The following JAZF1 variants were observed in gnomAD, a reference collection of about 807,000 sequenced individuals.
The protein encoded by JAZF1 is JAZF zinc finger 1.
JAZF1 carries 8 observed loss-of-function variants against 26.4 expected under a neutral mutation model. The ratio of observed to expected loss-of-function variants is 0.30; its 90% CI spans 0.18 to 0.55. The LOEUF is 0.55. Ranked by LOEUF, JAZF1 falls within the 20% of genes least tolerant of loss-of-function variation. The pLI is 0.94. For missense variants in JAZF1, 199 were observed against 322.0 expected, an observed-to-expected ratio of 0.62 and a Z score of 2.92; for synonymous variants, 126 against 122.3, an observed-to-expected ratio of 1.03 and a Z score of -0.20.
chr7:27,972,854 T>C (rs113242010), intron 2 of JAZF1, among the ~76,000 whole-genome samples: 79 of 151,838 alleles, frequency 5.2e-4, no homozygotes, highest in Non-Finnish European at 9.0e-4. Flanking sequence ...TATATATATA[T>C]ACACACACAT....
chr7:27,935,551 A>G (rs949102858), intron 2 of JAZF1, among the ~76,000 whole-genome samples: 10 of 152,168 alleles, frequency 6.6e-5, no homozygotes, highest in Non-Finnish European at 1.2e-4. Flanking sequence ...AAGTGGGGAA[A>G]TGGGCAGTGA....
At chr7:28,005,865 C>T (rs930232617) in intron 1 of JAZF1, among the ~76,000 whole-genome samples, 5 of 141,234 alleles carry the variant, frequency 3.5e-5, no homozygotes, top group African/African-American at 8.2e-5. Flanking sequence ...GGAATTAACT[C>T]TGGACTTTCT....
intron 3 of JAZF1, among the ~76,000 whole-genome samples, chr7:27,894,924 T>C (rs1784033260): frequency 6.6e-6 from 1 of 152,198 alleles, no homozygotes; most frequent in Admixed American, 6.5e-5. Context: ...TGATGAAATA[T>C]GTATTACAGA....
chr7:27,972,638 G>A (rs1785393806), intron 2 of JAZF1, among the ~76,000 whole-genome samples: 2 of 152,170 alleles, frequency 1.3e-5, no homozygotes, highest in Non-Finnish European at 2.9e-5. Flanking sequence ...CACATTGCAG[G>A]ATTATCGTTA....
intron 1 of JAZF1, among the ~76,000 whole-genome samples, chr7:28,058,231 A>G (rs1293424193): frequency 6.6e-6 from 1 of 152,180 alleles, no homozygotes; most frequent in Non-Finnish European, 1.5e-5. Flanking sequence ...CCAGGCTCAT[A>G]TACACCAAAG....
At chr7:27,997,637 T>C (rs772796136) in intron 1 of JAZF1, among the ~76,000 whole-genome samples, 10 of 152,152 alleles carry the variant, frequency 6.6e-5, no homozygotes, top group Non-Finnish European at 1.0e-4. Context: ...AATCAGACCA[T>C]AGCTCACTGC....
chr7:28,015,033 A>ATGTGTGTGTGTGTGTGTGTG (rs397804972), intron 1 of JAZF1, among the ~76,000 whole-genome samples: 1 of 140,690 alleles, frequency 7.1e-6, no homozygotes, highest in Non-Finnish European at 1.5e-5. Flanking sequence ...GAAAGTGTGT[A>ATGTGTGTGTGTGTGTGTGTG]TGTGTGTGTG....
chr7:27,847,300 G>A (rs1035882390), intron 3 of JAZF1, among the ~76,000 whole-genome samples: 2 of 151,450 alleles, frequency 1.3e-5, no homozygotes, highest in Non-Finnish European at 2.9e-5. Flanking sequence ...ATGCAGTCTC[G>A]TTTATTTATT....
intron 3 of JAZF1, among the ~76,000 whole-genome samples, chr7:27,865,800 C>T (rs1012313087): frequency 4.6e-5 from 7 of 152,126 alleles, no homozygotes; most frequent in African/African-American, 7.2e-5. Context: ...GCCACAGACA[C>T]GAAAGTGACA....
At chr7:28,062,495 C>T (rs1783816291) in intron 1 of JAZF1, among the ~76,000 whole-genome samples, 1 of 152,044 alleles carries the variant, frequency 6.6e-6, no homozygotes, top group Non-Finnish European at 1.5e-5. Context: ...TGAGTAACCA[C>T]CTTTCCACAG....
chr7:28,058,172 C>A (rs978970063), intron 1 of JAZF1, among the ~76,000 whole-genome samples: 1 of 152,078 alleles, frequency 6.6e-6, no homozygotes, highest in Non-Finnish European at 1.5e-5. Context: ...CCTTCTGAAG[C>A]CCTGGAGCAG....
At chr7:28,093,353 T>C (rs376927519) in intron 1 of JAZF1, among the ~76,000 whole-genome samples, 1 of 152,204 alleles carries the variant, frequency 6.6e-6, no homozygotes, top group Non-Finnish European at 1.5e-5. Context: ...TCTGCTGCCA[T>C]GTAAGACATG....
intron 3 of JAZF1, among the ~76,000 whole-genome samples, chr7:27,887,473 T>C (rs1783888323): frequency 6.6e-6 from 1 of 152,136 alleles, no homozygotes; most frequent in Admixed American, 6.5e-5. Context: ...TGGAGTGCAG[T>C]GGAGCAATCT....
chr7:28,083,887 G>A, intron 1 of JAZF1, among the ~76,000 whole-genome samples: 1 of 151,888 alleles, frequency 6.6e-6, no homozygotes, highest in East Asian at 2.0e-4. Flanking sequence ...AAGCAGGCTG[G>A]AACATCCAAC....
intron 1 of JAZF1, among the ~76,000 whole-genome samples, chr7:28,049,617 T>C (rs1783577439): frequency 6.6e-6 from 1 of 152,186 alleles, no homozygotes; most frequent in South Asian, 2.1e-4. Flanking sequence ...AAAGCCCAGG[T>C]AGCTGCTTAT....
chr7:27,963,511 A>C (rs1213510167), intron 2 of JAZF1, among the ~76,000 whole-genome samples: 1 of 151,738 alleles, frequency 6.6e-6, no homozygotes, highest in Non-Finnish European at 1.5e-5. Context: ...TGTCACAAAC[A>C]TTCAAATAAT....
chr7:27,921,083 G>A (rs988431896), intron 2 of JAZF1, among the ~76,000 whole-genome samples: 2 of 152,068 alleles, frequency 1.3e-5, no homozygotes, highest in African/African-American at 4.8e-5. Context: ...ACTACTAACC[G>A]GCAGTTACAA....
At chr7:27,901,998 T>G (rs1043310999) in intron 2 of JAZF1, among the ~76,000 whole-genome samples, 12 of 152,282 alleles carry the variant, frequency 7.9e-5, no homozygotes, top group African/African-American at 2.9e-4. Context: ...ACCTGCAATT[T>G]TGAGATCTCC....
intron 3 of JAZF1, chr7:27,844,282 TG>T (rs1782978195): frequency 6.6e-6 from 1 of 152,276 alleles, no homozygotes; most frequent in African/African-American, 2.4e-5. Context: ...CCAAAGCCCC[TG>T]GGCCAGCCTC....
Sources: allele counts gnomAD v4.1 joint callset (sites outside exome capture counted in the v4.1 genomes callset), GRCh38; gene constraint gnomAD v4.1.1; transcripts MANE v1.5; gene names NCBI Gene and HGNC (gene_info 2026-07-23, HGNC 2026-07-21).